HTRA3: variants seen among roughly 807,000 people sequenced by gnomAD.
HTRA3 encodes the protein serine protease HTRA3.
In HTRA3, 41 loss-of-function variants were observed where a neutral mutation model predicts 43.2. The observed-to-expected ratio is 0.95, with a 90% CI of 0.74 to 1.23. The LOEUF (loss-of-function observed/expected upper bound fraction) is 1.23. HTRA3 is among the 50% of genes most tolerant of loss of function. HTRA3 has a pLI of 0.00. For missense variants in HTRA3, 628 were observed against 647.1 expected, an observed-to-expected ratio of 0.97 and a Z score of 0.32; for synonymous variants, 295 against 287.9, an observed-to-expected ratio of 1.02 and a Z score of -0.25.
Position 8,286,809 on chromosome 4 carries a change from G to A in HTRA3, c.708+26G>A, listed in dbSNP as rs777276025. ...GTGGGTGGGCGTGGGTGGAGGGGCG[G>A]AAGCACCTGGGGCTGGGCATGGTGG... On this transcript the variant is annotated intron_variant, in intron 3 of 8. Coordinates refer to ENST00000307358, the MANE Select transcript of HTRA3 (RefSeq NM_053044.5). The surrounding 1 kb of genome is among the most constrained non-coding windows in gnomAD (Gnocchi z 4.9). 1.3e-5 allele frequency: 20 copies of A among 1,560,376 alleles called. No homozygotes were observed. Among genetic ancestry groups the A allele is most frequent in the South Asian group, 7.9e-5 (7 of 88,786 alleles).
At chr4:8,301,156 T>C (rs1713639690) in intron 6 of HTRA3, among the ~76,000 whole-genome samples, 1 of 26,950 alleles carries the variant, frequency 3.7e-5, no homozygotes, top group Non-Finnish European at 7.9e-5. Flanking sequence ...ACACTCTTTA[T>C]TGACTCACAC....
chr4:8,303,757 ATGACTCAGCATTGTCTGTCCGTTCCG>A (rs1560144286), intron 7 of HTRA3, among the ~76,000 whole-genome samples: 4 of 151,774 alleles, frequency 2.6e-5, no homozygotes, highest in South Asian at 2.1e-4. Flanking sequence ...TGTTCATTCC[ATGACTCAGCATTGTCTGTCCGTTCCG>A]TGACTCAGCA....
intron 1 of HTRA3, among the ~76,000 whole-genome samples, chr4:8,278,861 A>G (rs762168952): frequency 3.3e-5 from 5 of 152,094 alleles, no homozygotes; most frequent in African/African-American, 1.2e-4. Flanking sequence ...CTGCTTGGAG[A>G]CTTGGTTAAT....
chr4:8,296,296 C>A lies in HTRA3; in HGVS notation c.1051+2095C>A, dbSNP rs1302427321. On this transcript the variant is annotated intron_variant, in intron 6 of 8. Transcript: ENST00000307358. The surrounding 1 kb of genome is among the most constrained non-coding windows in gnomAD (Gnocchi z 5.3). ...TTAGTGCTGACCTCATCCCAGAACC[C>A]CCTGGGAAATATCCCCTGTCCTCAG... 2.0e-6 allele frequency: 2 copies of A among 985,330 alleles called. No individual in the cohort carries two copies. Among genetic ancestry groups the A allele is most frequent in the African/African-American group, 3.5e-5 (2 of 57,224 alleles). 61.0% of individuals were successfully genotyped at this position (985,330 alleles called of 1,614,324 possible). A position where few individuals can be genotyped will look rare whatever the true frequency, so the allele number is the denominator to read the frequency against.
chr4:8,288,991 C>G (rs2153005678), intron 3 of HTRA3, among the ~76,000 whole-genome samples: 1 of 149,850 alleles, frequency 6.7e-6, no homozygotes, highest in East Asian at 2.0e-4. Flanking sequence ...GCTCTGTTGC[C>G]CAGGCTGGAG....
chr4:8,298,157 C>T (rs1713524365), intron 6 of HTRA3, among the ~76,000 whole-genome samples: 1 of 152,220 alleles, frequency 6.6e-6, no homozygotes, highest in African/African-American at 2.4e-5. Flanking sequence ...CCTCCCACAG[C>T]CAGAAAGGCC....
chr4:8,283,748 G>A (rs1240875807), intron 2 of HTRA3, among the ~76,000 whole-genome samples: 1 of 152,236 alleles, frequency 6.6e-6, no homozygotes, highest in African/African-American at 2.4e-5. Flanking sequence ...GCAGGCCAGG[G>A]CTCCAGGGAC....
chr4:8,296,624 A>G lies in HTRA3; in HGVS notation c.1051+2423A>G, dbSNP rs1578805281. 1 of 741,720 alleles carries G rather than the reference A, an allele frequency of 1.3e-6. No individual in the cohort carries two copies. The highest frequency in any genetic ancestry group is 1.6e-6 in the Non-Finnish European group (1 of 607,888). The allele number at this position is 741,720 out of a possible 1,614,324, so 45.9% of individuals were successfully genotyped here. A position where few individuals can be genotyped will look rare whatever the true frequency, so the allele number is the denominator to read the frequency against. On this transcript the variant is annotated intron_variant, in intron 6 of 8. Coordinates refer to ENST00000307358, the MANE Select transcript of HTRA3 (RefSeq NM_053044.5). The surrounding 1 kb of genome is among the most constrained non-coding windows in gnomAD (Gnocchi z 5.3). ...GAGTGGCCACCATGCATGTTGGGGG[A>G]GCCCCAGGAGGGCTTGGGGTCCAGC...
intron 7 of HTRA3, among the ~76,000 whole-genome samples, chr4:8,302,939 C>T (rs1476346932): frequency 1.3e-5 from 2 of 152,216 alleles, no homozygotes; most frequent in Non-Finnish European, 2.9e-5. Context: ...TCCCTGCAGT[C>T]TCTACCTCTG....
At chr4:8,288,565 G>A (rs150425489) in intron 3 of HTRA3, among the ~76,000 whole-genome samples, 2 of 132,198 alleles carry the variant, frequency 1.5e-5, no homozygotes, top group Non-Finnish European at 3.1e-5. Flanking sequence ...GTGAACCACC[G>A]TGCCTAGCCT....
In HTRA3 at chr4:8,295,459, C is replaced by T. The variant is rs991859568; in HGVS notation, c.1051+1258C>T. Among the ~76,000 whole-genome samples the T allele has an allele frequency of 2.6e-5, 4 of 152,180 alleles. No homozygotes were observed. The highest frequency in any genetic ancestry group is 9.6e-5 in the African/African-American group (4 of 41,462). ...CCTCGCCAGGGCACTAGGCAACTCT[C>T]CCAAGTGAGAGCATGCCCATTGCCT... On this transcript the variant is annotated intron_variant, in intron 6 of 8. Coordinates refer to ENST00000307358, the MANE Select transcript of HTRA3 (RefSeq NM_053044.5). The surrounding 1 kb of genome is among the most constrained non-coding windows in gnomAD (Gnocchi z 6.9).
Position 8,297,509 on chromosome 4 carries a change from C to A in HTRA3, c.1051+3308C>A, listed in dbSNP as rs765178186. 3.3e-5 allele frequency among the ~76,000 whole-genome samples: 5 copies of A among 152,138 alleles called. No individual in the cohort carries two copies. The highest frequency in any genetic ancestry group is 7.3e-5 in the Non-Finnish European group (5 of 68,028). On this transcript the variant is annotated intron_variant, in intron 6 of 8. Transcript: ENST00000307358. The surrounding 1 kb of genome is among the most constrained non-coding windows in gnomAD (Gnocchi z 5.8). ...GCCACAAAAACGCCCCCAGATGCCA[C>A]AGATCAAAGTGAGGGGTGCTGGGAG... is the stretch of plus-strand genomic sequence containing the variant.
chr4:8,301,979 A>C (rs1222933964), intron 6 of HTRA3, among the ~76,000 whole-genome samples: 2 of 152,202 alleles, frequency 1.3e-5, no homozygotes, highest in African/African-American at 4.8e-5. Flanking sequence ...TATCTCAGTG[A>C]GTTGCGTGTG....
rs982146171 is a variant in HTRA3 at position 8,296,119 on chromosome 4, C to T, written c.1051+1918C>T. On this transcript the variant is annotated intron_variant, in intron 6 of 8. Coordinates refer to ENST00000307358, the MANE Select transcript of HTRA3 (RefSeq NM_053044.5). This position sits in a 1 kb window ranked among gnomAD's most constrained non-coding sequence, Gnocchi z 5.3. ...CTTTGGCCTCCTTACTGGAAATTAG[C>T]GGAGCTGCTGTTTGCACACACTGAG... is the stretch of plus-strand genomic sequence containing the variant. The T allele has an allele frequency of 1.3e-4, 128 of 1,003,300 alleles. No homozygotes were observed. Among genetic ancestry groups the T allele is most frequent in the Admixed American group, 7.2e-4 (12 of 16,754 alleles). The allele number at this position is 1,003,300 out of a possible 1,614,324, so 62.1% of individuals were successfully genotyped here. A position where few individuals can be genotyped will look rare whatever the true frequency, so the allele number is the denominator to read the frequency against.
In HTRA3 at chr4:8,290,817, G is replaced by A. The variant is rs560578786; in HGVS notation, c.709-553G>A. On this transcript the variant is annotated intron_variant, in intron 3 of 8. Coordinates refer to ENST00000307358, the MANE Select transcript of HTRA3 (RefSeq NM_053044.5). ...GAGGGGTGTGCAGGTGTCTCAGTGT[G>A]CGCGGCGTGGGGTGGAGCTCGGCTA... Among the ~76,000 whole-genome samples the A allele has an allele frequency of 4.6e-5, 7 of 152,312 alleles. No homozygotes were observed. The East Asian group carries it at 1.2e-3, about 25-fold the overall frequency.
At chr4:8,287,854 C>T (rs546677505) in intron 3 of HTRA3, among the ~76,000 whole-genome samples, 26 of 152,304 alleles carry the variant, frequency 1.7e-4, no homozygotes, top group African/African-American at 4.3e-4. Flanking sequence ...CAGCTAGGAC[C>T]CCGGCCTCCC....
rs541829239 is a variant in HTRA3, at chr4:8,282,589, C to T, written c.485+53C>T. 130 of 1,367,542 alleles carry T rather than the reference C, an allele frequency of 9.5e-5. 2 individuals carry two copies. In the Admixed American group the frequency reaches 1.7e-3, roughly 18 times the overall value. 84.7% of individuals were successfully genotyped at this position (1,367,542 alleles called of 1,614,324 possible). ...GCCTCCTGGTGTCCCCTGGTACACC[C>T]GCCAGCTGCTGGGGCCCAAACCAGG... On this transcript the variant is annotated intron_variant, in intron 2 of 8. Coordinates refer to ENST00000307358, the MANE Select transcript of HTRA3 (RefSeq NM_053044.5).
chr4:8,292,094 C>T (rs542537805), intron 4 of HTRA3, among the ~76,000 whole-genome samples: 1 of 151,794 alleles, frequency 6.6e-6, no homozygotes, highest in African/African-American at 2.4e-5. Context: ...GATGCCGAAG[C>T]GTATGGTTTG....
intron 1 of HTRA3, among the ~76,000 whole-genome samples, chr4:8,275,005 C>T (rs1712461675): frequency 1.3e-5 from 2 of 152,206 alleles, no homozygotes; most frequent in South Asian, 4.1e-4. Context: ...TCTGGGACCA[C>T]TCAGGCAAGA....
Sources: allele counts gnomAD v4.1 joint callset (sites outside exome capture counted in the v4.1 genomes callset), GRCh38; gene constraint gnomAD v4.1.1; non-coding constraint Gnocchi (gnomAD v3.1); transcripts MANE v1.5; gene names NCBI Gene and HGNC (gene_info 2026-07-23, HGNC 2026-07-21).